Variants in CACNA2D3 observed in about 807,000 individuals in gnomAD.
CACNA2D3 encodes voltage-dependent calcium channel subunit alpha-2/delta-3.
CACNA2D3 carries 60 observed loss-of-function variants against 160.6 expected under a neutral mutation model. That is an observed-to-expected ratio of 0.37 (90% CI 0.30 to 0.46). The LOEUF is 0.46. CACNA2D3 is among the 20% of genes least tolerant of loss of function. The pLI is 1.00. For missense variants in CACNA2D3, 1,205 were observed against 1,365.0 expected, an observed-to-expected ratio of 0.88 and a Z score of 1.85; for synonymous variants, 558 against 492.9, an observed-to-expected ratio of 1.13 and a Z score of -1.75.
At chr3:54,406,272 T>C (rs1428795392) in intron 4 of CACNA2D3, among the ~76,000 whole-genome samples, 3 of 152,036 alleles carry the variant, frequency 2.0e-5, no homozygotes, top group African/African-American at 7.2e-5. Context: ...TTTTCCACAA[T>C]AGCCATGATA....
chr3:54,639,913 ACAGT>A (rs900242267), intron 10 of CACNA2D3: 2 of 152,298 alleles, frequency 1.3e-5, no homozygotes, highest in African/African-American at 4.8e-5. Context: ...AAGGAAAATT[ACAGT>A]CAAAGGGGGT....
At chr3:54,562,034 C>T (rs1234457095) in intron 5 of CACNA2D3, among the ~76,000 whole-genome samples, 2 of 152,110 alleles carry the variant, frequency 1.3e-5, no homozygotes, top group Non-Finnish European at 1.5e-5. Context: ...AAAGACCTGC[C>T]CCACCCCCAT....
chr3:54,324,272 A>G (rs1402907654), intron 3 of CACNA2D3, among the ~76,000 whole-genome samples: 3 of 152,148 alleles, frequency 2.0e-5, no homozygotes, highest in Non-Finnish European at 4.4e-5. Flanking sequence ...TGATTTTATC[A>G]TCCTCATCTC....
chr3:54,288,913 C>T (rs1293171471), intron 2 of CACNA2D3, among the ~76,000 whole-genome samples: 21 of 152,178 alleles, frequency 1.4e-4, no homozygotes, highest in South Asian at 8.3e-4. Context: ...ATTGATGGGA[C>T]GTATCTCAAA....
intron 11 of CACNA2D3, among the ~76,000 whole-genome samples, chr3:54,727,303 TTGG>T (rs1381424013): frequency 2.0e-5 from 3 of 152,200 alleles, no homozygotes; most frequent in African/African-American, 4.8e-5. Flanking sequence ...TCTTACACTG[TTGG>T]TGGGAGTGTA....
chr3:54,629,263 A>G (rs1699183543), intron 10 of CACNA2D3, among the ~76,000 whole-genome samples: 1 of 151,916 alleles, frequency 6.6e-6, no homozygotes, highest in Non-Finnish European at 1.5e-5. Context: ...GTGAGCAAGC[A>G]GAAGCCCAGG....
chr3:54,781,542 G>A (rs1288349349), intron 13 of CACNA2D3, among the ~76,000 whole-genome samples: 4 of 152,178 alleles, frequency 2.6e-5, no homozygotes, highest in Non-Finnish European at 5.9e-5. Flanking sequence ...GACATCTACT[G>A]AGCTAAAGAT....
At chr3:54,440,728 C>T (rs1161068810) in intron 4 of CACNA2D3, among the ~76,000 whole-genome samples, 1 of 152,084 alleles carries the variant, frequency 6.6e-6, no homozygotes. Context: ...TGAGTGAGAA[C>T]ATGCGGTGTT....
intron 14 of CACNA2D3, among the ~76,000 whole-genome samples, chr3:54,836,211 ATTCTTTTTTTTT>A (rs201428692): frequency 0.18 from 24,994 of 137,954 alleles, 2,232 homozygotes; most frequent in South Asian, 0.2. Context: ...TTCAAGGGCC[ATTCTTTTTTTTT>A]TTCTTTTTTT....
chr3:54,988,968 G>A (rs2107110811), intron 31 of CACNA2D3, among the ~76,000 whole-genome samples: 1 of 152,296 alleles, frequency 6.6e-6, no homozygotes, highest in South Asian at 2.1e-4. Flanking sequence ...TTCTTTGCTG[G>A]GAGTCATTGT....
At chr3:54,984,886 G>C (rs1023519499) in intron 30 of CACNA2D3, among the ~76,000 whole-genome samples, 1 of 152,146 alleles carries the variant, frequency 6.6e-6, no homozygotes, top group Non-Finnish European at 1.5e-5. Flanking sequence ...GGGGTGCAGG[G>C]GGGTGACAGT....
chr3:54,541,020 G>A (rs1040894796), intron 5 of CACNA2D3, among the ~76,000 whole-genome samples: 3 of 152,142 alleles, frequency 2.0e-5, no homozygotes, highest in Non-Finnish European at 4.4e-5. Context: ...GCTCACGCCT[G>A]TAATCCCAGC....
chr3:54,680,478 C>G (rs905745853), intron 11 of CACNA2D3, among the ~76,000 whole-genome samples: 1 of 152,208 alleles, frequency 6.6e-6, no homozygotes, highest in Non-Finnish European at 1.5e-5. Flanking sequence ...CCCCTACCCC[C>G]AGCCTGGGTC....
chr3:54,774,639 T>C (rs1488174329), intron 13 of CACNA2D3, among the ~76,000 whole-genome samples: 1 of 146,912 alleles, frequency 6.8e-6, no homozygotes, highest in East Asian at 2.0e-4. Flanking sequence ...ATTTTTTTTT[T>C]TTTTTTTTTT....
chr3:54,871,596 G>A lies in CACNA2D3; in HGVS notation c.1684G>A (p.Val562Met). ...CTATAGTAGCGTTGACCTCTCTGAG[G>A]TGGAGTGGGAAGACCGAGATGACGT... ...PNYSSVDLSE[V>M]EWEDRDDVLR... Residue 562 changes from valine to methionine, a missense_variant, in exon 18 of 38, where the codon GTG becomes ATG. Val to Met is a conservative substitution (Grantham distance 21). This residue lies in a region of CACNA2D3 where 911 missense variants were observed against 1,002.2 expected (regional missense o/e 0.91). Transcript: ENST00000474759. 6.2e-7 allele frequency: 1 copy of A among 1,613,558 alleles called. No homozygotes were observed. The highest frequency in any genetic ancestry group is 8.5e-7 in the Non-Finnish European group (1 of 1,179,496).
intron 17 of CACNA2D3, among the ~76,000 whole-genome samples, chr3:54,869,114 G>A (rs1168714): frequency 0.63 from 95,772 of 151,980 alleles, 30,852 homozygotes; most frequent in East Asian, 0.87. Flanking sequence ...AAAAAGACAC[G>A]TGGACACTTT....
At chr3:55,009,805 AT>A (rs1480386607) in intron 34 of CACNA2D3, among the ~76,000 whole-genome samples, 4 of 152,180 alleles carry the variant, frequency 2.6e-5, no homozygotes, top group Non-Finnish European at 5.9e-5. Context: ...TAGCCATTCT[AT>A]TTCTGTTTTC....
intron 27 of CACNA2D3, among the ~76,000 whole-genome samples, chr3:54,955,839 A>G (rs1455537441): frequency 6.6e-6 from 1 of 152,180 alleles, no homozygotes; most frequent in Admixed American, 6.5e-5. Flanking sequence ...AGACCTGACC[A>G]GCTAAGCCTG....
chr3:55,002,010 G>A (rs1177231799), intron 31 of CACNA2D3, among the ~76,000 whole-genome samples: 1 of 152,128 alleles, frequency 6.6e-6, no homozygotes, highest in East Asian at 1.9e-4. Context: ...TACAAAATTA[G>A]TTGGGTGTAG....
Sources: allele counts gnomAD v4.1 joint callset (sites outside exome capture counted in the v4.1 genomes callset), GRCh38; gene constraint gnomAD v4.1.1; regional missense constraint gnomAD v4.1.1; transcripts MANE v1.5; gene names NCBI Gene and HGNC (gene_info 2026-07-23, HGNC 2026-07-21).